CERS5: variants seen among roughly 807,000 people sequenced by gnomAD.
CERS5 encodes ceramide synthase 5.
In CERS5, 37 loss-of-function variants were observed where a neutral mutation model predicts 58.9. The ratio of observed to expected loss-of-function variants is 0.63; its 90% CI spans 0.48 to 0.83. CERS5 has a LOEUF of 0.83. CERS5 is among the 40% of genes least tolerant of loss of function. The probability of loss-of-function intolerance (pLI) is 0.00; values close to 1 mark genes in which losing one functional copy is unlikely to be tolerated. For synonymous variants in CERS5, 147 were observed against 177.8 expected, an observed-to-expected ratio of 0.83 and a Z score of 1.38; for missense variants, 398 against 489.3, an observed-to-expected ratio of 0.81 and a Z score of 1.76.
intron 9 of CERS5, 43 bp from the exon 10 acceptor site, chr12:50,130,737 T>C (rs781593893): frequency 7.2e-6 from 11 of 1,525,850 alleles, no homozygotes; most frequent in South Asian, 3.7e-5. Flanking sequence ...AGGAAAGAAC[T>C]GTAAGACACC....
chr12:50,130,880 C>T (rs1320893908), intron 9 of CERS5, among the ~76,000 whole-genome samples, 186 bp from the exon 10 acceptor site: 1 of 152,142 alleles, frequency 6.6e-6, no homozygotes. Flanking sequence ...CTAGTTTTCT[C>T]CCTTGTCATC....
chr12:50,158,916 T>C (rs1254653662), intron 1 of CERS5, among the ~76,000 whole-genome samples: 1 of 152,120 alleles, frequency 6.6e-6, no homozygotes, highest in Non-Finnish European at 1.5e-5. Context: ...CAGTTCTGCA[T>C]GGACATTTAC....
At chr12:50,152,072 C>A (rs767609267) in intron 1 of CERS5, among the ~76,000 whole-genome samples, 1 of 152,154 alleles carries the variant, frequency 6.6e-6, no homozygotes, top group Non-Finnish European at 1.5e-5. Context: ...AGGTTCTTTT[C>A]GTACTCTACA....
At chr12:50,141,881 A>G (rs561845094) in intron 4 of CERS5, among the ~76,000 whole-genome samples, 172 bp downstream of exon 4, 9 of 147,652 alleles carry the variant, frequency 6.1e-5, no homozygotes, top group African/African-American at 2.3e-4. Flanking sequence ...AGAGGTTGCA[A>G]GTGAGCTGAG....
intron 1 of CERS5, chr12:50,165,922 A>G: frequency 2.2e-6 from 1 of 454,924 alleles, no homozygotes. Context: ...TCACACACCA[A>G]AGCCTCAGTG....
intron 1 of CERS5, 132 bp from the exon 2 acceptor site, chr12:50,144,189 A>G: frequency 1.7e-6 from 1 of 586,696 alleles, no homozygotes; most frequent in Admixed American, 2.8e-5. Context: ...TAATGATGAA[A>G]CTGGGGTAAT....
chr12:50,132,640 A>C (rs1487584352), intron 9 of CERS5, among the ~76,000 whole-genome samples: 1 of 152,090 alleles, frequency 6.6e-6, no homozygotes, highest in Non-Finnish European at 1.5e-5. Flanking sequence ...GGTCTTCTAC[A>C]GTTGATTATA....
intron 4 of CERS5, among the ~76,000 whole-genome samples, chr12:50,141,525 G>T (rs1240164340): frequency 6.6e-6 from 1 of 152,088 alleles, no homozygotes; most frequent in African/African-American, 2.4e-5. Flanking sequence ...TATCTTCTAG[G>T]GGAGAAGCAG....
intron 1 of CERS5, among the ~76,000 whole-genome samples, chr12:50,159,917 C>T (rs1939081428): frequency 6.6e-6 from 1 of 152,114 alleles, no homozygotes; most frequent in Non-Finnish European, 1.5e-5. Context: ...CTAATATCCA[C>T]ATTTTAAAAA....
At chr12:50,148,001 T>C (rs1299016731) in intron 1 of CERS5, among the ~76,000 whole-genome samples, 3 of 152,052 alleles carry the variant, frequency 2.0e-5, no homozygotes, top group Non-Finnish European at 4.4e-5. Flanking sequence ...GCCATTGCTA[T>C]TTTTAAATGA....
At chr12:50,167,068 C>G (rs1293436188) in intron 1 of CERS5, 33 bp downstream of exon 1, 1 of 1,471,642 alleles carries the variant, frequency 6.8e-7, no homozygotes, top group Non-Finnish European at 9.0e-7. Context: ...GGCCCGCGCC[C>G]GGCCCCCGAG....
chr12:50,132,620 G>A (rs1423557324), intron 9 of CERS5, among the ~76,000 whole-genome samples: 1 of 152,112 alleles, frequency 6.6e-6, no homozygotes, highest in Non-Finnish European at 1.5e-5. Flanking sequence ...CCTTGAATTT[G>A]TGTTGGATGG....
intron 9 of CERS5, chr12:50,134,066 C>T: frequency 1.9e-5 from 1 of 52,592 alleles, no homozygotes; most frequent in South Asian, 3.6e-4. Context: ...AGCGAGATTC[C>T]ATCTGAAAAA....
At position 50,156,437 on chromosome 12, in the gene CERS5, T is replaced by TATATATATATATATATAA. The variant is rs1197474516; in HGVS notation, c.197+10663_197+10664insTTATATATATATATATAT. Among the ~76,000 whole-genome samples the TATATATATATATATATAA allele has an allele frequency of 5.6e-4, 61 of 108,736 alleles. 3 individuals are homozygous for TATATATATATATATATAA. The highest frequency in any genetic ancestry group is 3.3e-3 in the East Asian group (15 of 4,564). The allele number at this position is 108,736 out of a possible 152,430, so 71.3% of individuals were successfully genotyped here. On this transcript the variant is annotated intron_variant, in intron 1 of 9. Coordinates refer to ENST00000317551, the MANE Select transcript of CERS5 (RefSeq NM_147190.5). Reference sequence around the variant, plus strand: ...CAAACAAACTATATATATATATATATAAAACAATTAGTAGCCAGGTGTGGT... The same window carrying TATATATATATATATATAA: ...CAAACAAACTATATATATATATATATATATATATATATATATAAAAAACAATTAGTAGCCAGGTGTGGT...
At chr12:50,153,527 CT>C (rs771064830) in intron 1 of CERS5, among the ~76,000 whole-genome samples, 10 of 151,888 alleles carry the variant, frequency 6.6e-5, no homozygotes, top group Non-Finnish European at 1.0e-4. Flanking sequence ...ATGCGCCCAC[CT>C]CGGCCTCCCA....
intron 1 of CERS5, among the ~76,000 whole-genome samples, chr12:50,166,881 C>T (rs969588774): frequency 3.3e-5 from 5 of 152,178 alleles, no homozygotes; most frequent in Non-Finnish European, 5.9e-5. Context: ...CCAGCATTCC[C>T]CTAGACCCTC....
At chr12:50,135,696 T>C (rs1464085764) in intron 8 of CERS5, 36 bp downstream of exon 8, 1 of 1,423,618 alleles carries the variant, frequency 7.0e-7, no homozygotes, top group South Asian at 1.1e-5. Context: ...ATCATTAGGC[T>C]CATACCTACC....
At chr12:50,142,457 G>A (rs1952021662) in intron 3 of CERS5, among the ~76,000 whole-genome samples, 1 of 151,650 alleles carries the variant, frequency 6.6e-6, no homozygotes, top group East Asian at 1.9e-4. Flanking sequence ...GGCTGAGGCA[G>A]GAGAATCGCT....
At chr12:50,165,436 A>G (rs1208613456) in intron 1 of CERS5, 1 of 83,914 alleles carries the variant, frequency 1.2e-5, no homozygotes, top group Non-Finnish European at 2.5e-5. Flanking sequence ...AAAGAAAAAG[A>G]AAAAGAAAAA....
Sources: allele counts gnomAD v4.1 joint callset (sites outside exome capture counted in the v4.1 genomes callset), GRCh38; gene constraint gnomAD v4.1.1; transcripts MANE v1.5; gene names NCBI Gene and HGNC (gene_info 2026-07-23, HGNC 2026-07-21).